The following KSR2 variants were observed in gnomAD, a reference collection of about 807,000 sequenced individuals.
KSR2 encodes kinase suppressor of ras 2.
A neutral mutation model predicts 107.8 loss-of-function variants in KSR2; 25 were observed. The observed-to-expected ratio is 0.23, with a 90% confidence interval of 0.17 to 0.32. KSR2 has a LOEUF of 0.32. KSR2 is among the 10% of genes least tolerant of loss of function. KSR2 has a pLI of 1.00. For synonymous variants in KSR2, 480 were observed against 507.0 expected (o/e 0.95, Z 0.71); for missense variants, 887 against 1,268.9 (o/e 0.70, Z 4.57).
chr12:117,802,005 G>A (rs1478596721), intron 3 of KSR2, among the ~76,000 whole-genome samples: 1 of 152,158 alleles, frequency 6.6e-6, no homozygotes, highest in Non-Finnish European at 1.5e-5. Flanking sequence ...CATGGTGTAA[G>A]TTTCCTATGA....
intron 14 of KSR2, among the ~76,000 whole-genome samples, chr12:117,517,544 C>T (rs972553379): frequency 1.3e-5 from 2 of 152,104 alleles, no homozygotes; most frequent in Non-Finnish European, 2.9e-5. Context: ...CCATGCAAAT[C>T]CTCTGCTGCT....
intron 5 of KSR2, among the ~76,000 whole-genome samples, chr12:117,609,930 A>G (rs1272147084): frequency 6.6e-6 from 1 of 152,084 alleles, no homozygotes; most frequent in East Asian, 1.9e-4. Flanking sequence ...AACCTACAAT[A>G]TCTACTACCT....
intron 5 of KSR2, among the ~76,000 whole-genome samples, chr12:117,647,119 G>C (rs1883682622): frequency 6.6e-6 from 1 of 152,162 alleles, no homozygotes; most frequent in Non-Finnish European, 1.5e-5. Context: ...GGATGATCCA[G>C]ACAGACAGAC....
chr12:117,489,148 TTGTG>T (rs149009044), intron 14 of KSR2, among the ~76,000 whole-genome samples: 1 of 148,956 alleles, frequency 6.7e-6, no homozygotes, highest in African/African-American at 2.5e-5. Flanking sequence ...GTGATGGCCC[TTGTG>T]TGTGTGTGTG....
At chr12:117,613,663 G>A (rs1424411979) in intron 5 of KSR2, among the ~76,000 whole-genome samples, 2 of 152,164 alleles carry the variant, frequency 1.3e-5, no homozygotes, top group African/African-American at 4.8e-5. Context: ...AAAGCAGTTG[G>A]GCAGATCCAT....
intron 17 of KSR2, among the ~76,000 whole-genome samples, chr12:117,474,731 T>G (rs1871670059): frequency 6.6e-6 from 1 of 152,222 alleles, no homozygotes; most frequent in African/African-American, 2.4e-5. Flanking sequence ...TCATTCTGTC[T>G]GTGGCTGCAG....
chr12:117,732,065 C>T (rs968598767), intron 4 of KSR2, among the ~76,000 whole-genome samples: 4 of 151,462 alleles, frequency 2.6e-5, no homozygotes, highest in Non-Finnish European at 5.9e-5. Context: ...GAAATCAAAG[C>T]TGGTGTCAAG....
chr12:117,793,212 ACACC>A (rs200215193), intron 3 of KSR2, among the ~76,000 whole-genome samples: 2 of 143,756 alleles, frequency 1.4e-5, no homozygotes, highest in African/African-American at 2.7e-5. Flanking sequence ...CAACATGCAC[ACACC>A]CTCACACCAA....
At chr12:117,729,821 G>C (rs982043879) in intron 4 of KSR2, among the ~76,000 whole-genome samples, 2 of 152,142 alleles carry the variant, frequency 1.3e-5, no homozygotes, top group African/African-American at 4.8e-5. Context: ...AAGAACTCAT[G>C]GTCCAGGATT....
Position 117,968,654 on chromosome 12 carries a change from A to C in KSR2, c.-399T>G. 1 of 207,576 alleles carries C rather than the reference A, an allele frequency of 4.8e-6. No individual in the cohort carries two copies. The highest frequency in any genetic ancestry group is 1.6e-4 in the South Asian group (1 of 6,248). 12.9% of individuals were successfully genotyped at this position (207,576 alleles called of 1,614,324 possible). A position where few individuals can be genotyped will look rare whatever the true frequency, so the allele number is the denominator to read the frequency against. On this transcript the variant is annotated 5_prime_UTR_variant, in exon 1 of 20. Coordinates refer to ENST00000339824, the MANE Select transcript of KSR2 (RefSeq NM_173598.6). ...GAGGGAGAGGAGGAGGAGGGAGAGGAGGAGGAGGAGAAGGAAAATAGCGCT... is the reference window on the plus strand; with the variant it reads ...GAGGGAGAGGAGGAGGAGGGAGAGGCGGAGGAGGAGAAGGAAAATAGCGCT...
chr12:117,960,562 C>T (rs761250603), intron 1 of KSR2, among the ~76,000 whole-genome samples: 13 of 152,220 alleles, frequency 8.5e-5, no homozygotes, highest in Non-Finnish European at 1.2e-4. Context: ...AGGGCCATCT[C>T]GGACCCTCCA....
At chr12:117,657,563 G>C (rs1884238926) in intron 5 of KSR2, among the ~76,000 whole-genome samples, 1 of 152,144 alleles carries the variant, frequency 6.6e-6, no homozygotes, top group Non-Finnish European at 1.5e-5. Context: ...GTTTTTCTTG[G>C]ACACTTGCTT....
intron 5 of KSR2, among the ~76,000 whole-genome samples, chr12:117,626,517 G>T (rs1301610191): frequency 1.3e-5 from 2 of 152,198 alleles, no homozygotes; most frequent in African/African-American, 4.8e-5. Context: ...GTGCAGTTTT[G>T]AGTGAGTTTC....
intron 4 of KSR2, among the ~76,000 whole-genome samples, chr12:117,756,057 T>C (rs1023557282): frequency 5.3e-5 from 8 of 152,118 alleles, no homozygotes; most frequent in Admixed American, 3.3e-4. Context: ...CCAGTAGAGG[T>C]TGGCTTATAA....
chr12:117,781,225 G>C (rs1430191240), intron 3 of KSR2, among the ~76,000 whole-genome samples: 1 of 152,210 alleles, frequency 6.6e-6, no homozygotes, highest in East Asian at 1.9e-4. Context: ...AGGCCTCCCA[G>C]TCATGTGGAA....
At chr12:117,553,018 C>G (rs1877413435) in intron 9 of KSR2, among the ~76,000 whole-genome samples, 1 of 152,228 alleles carries the variant, frequency 6.6e-6, no homozygotes, top group Admixed American at 6.5e-5. Flanking sequence ...TTGTCGTACG[C>G]CACTAAGTTT....
At chr12:117,699,744 A>G (rs1279081938) in intron 4 of KSR2, among the ~76,000 whole-genome samples, 3 of 152,232 alleles carry the variant, frequency 2.0e-5, no homozygotes, top group African/African-American at 7.2e-5. Context: ...ATGACTGTAC[A>G]CTACTGTAGG....
At chr12:117,587,462 C>G (rs901046046) in intron 5 of KSR2, among the ~76,000 whole-genome samples, 1 of 152,090 alleles carries the variant, frequency 6.6e-6, no homozygotes, top group African/African-American at 2.4e-5. Flanking sequence ...AATGGATTCT[C>G]CCCTAGAGCT....
intron 3 of KSR2, among the ~76,000 whole-genome samples, chr12:117,841,236 C>A (rs1459251010): frequency 6.6e-6 from 1 of 152,166 alleles, no homozygotes; most frequent in East Asian, 1.9e-4. Flanking sequence ...AATAATTTTG[C>A]TCCAAATAAT....
Sources: gnomAD v4.1 joint callset for allele counts (sites outside exome capture counted in the v4.1 genomes callset) on GRCh38, gnomAD v4.1.1 for gene constraint, MANE v1.5 for transcripts, NCBI Gene and HGNC (gene_info 2026-07-23, HGNC 2026-07-21) for gene names.